PTGFRN: variants seen among roughly 807,000 people sequenced by gnomAD.
PTGFRN encodes the protein prostaglandin F2 receptor inhibitor, also known as prostaglandin F2 receptor negative regulator.
Under a neutral mutation model 83.2 loss-of-function variants are expected in PTGFRN, and 35 were observed. The ratio of observed to expected loss-of-function variants is 0.42; its 90% CI spans 0.32 to 0.56. The LOEUF (loss-of-function observed/expected upper bound fraction) is 0.56, where lower values mean the gene tolerates loss of function less well. Ranked by LOEUF, PTGFRN falls within the 20% of genes least tolerant of loss-of-function variation. PTGFRN has a pLI of 0.11. For synonymous variants in PTGFRN, 519 were observed against 498.6 expected, an observed-to-expected ratio of 1.04 and a Z score of -0.55; for missense variants, 1,051 against 1,179.5, an observed-to-expected ratio of 0.89 and a Z score of 1.60.
Position 116,910,126 on chromosome 1 carries a change from G to A in PTGFRN, c.-78G>A. On this transcript the variant is annotated 5_prime_UTR_variant, in exon 1 of 9. Transcript: ENST00000393203. ...GCGGAGGAGCGCCGACTCTGGAGCAGCCGGAGCTGGAAGAGGAGGAGGAGG... is the reference window on the plus strand; with the variant it reads ...GCGGAGGAGCGCCGACTCTGGAGCAACCGGAGCTGGAAGAGGAGGAGGAGG... 1.4e-6 allele frequency: 2 copies of A among 1,462,334 alleles called. No individual in the cohort carries two copies. Among genetic ancestry groups the A allele is most frequent in the Admixed American group, 4.0e-5 (2 of 50,224 alleles). 90.6% of individuals were successfully genotyped at this position (1,462,334 alleles called of 1,614,324 possible).
chr1:116,944,873 T>A lies in PTGFRN; in HGVS notation c.613T>A (p.Phe205Ile). The A allele has an allele frequency of 1.2e-6, 2 of 1,607,598 alleles. No individual in the cohort carries two copies. ...CCTCGCCCTGACCCACGAGGGCAGGTTCCACCCGGGCCTGGGGTACGAGCA... is the reference window on the plus strand; with the variant it reads ...CCTCGCCCTGACCCACGAGGGCAGGATCCACCCGGGCCTGGGGTACGAGCA... ...SVLALTHEGR[F>I]HPGLGYEQRY... is the part of the protein sequence containing the mutation. Residue 205 changes from phenylalanine to isoleucine, a missense_variant, in exon 3 of 9, where the codon TTC becomes ATC. Physicochemically the swap from Phe to Ile is conservative, Grantham distance 21. Transcript: ENST00000393203.
chr1:116,929,303 A>C (rs1029262077), intron 1 of PTGFRN, among the ~76,000 whole-genome samples: 1 of 152,206 alleles, frequency 6.6e-6, no homozygotes, highest in Non-Finnish European at 1.5e-5. Flanking sequence ...GGTGTTCATC[A>C]GCTTTTGCTT....
chr1:116,974,320 C>A lies in PTGFRN; in HGVS notation c.2164C>A (p.Pro722Thr), dbSNP rs1221141405. 1 of 1,596,142 alleles carries A rather than the reference C, an allele frequency of 6.3e-7. No homozygotes were observed. Among genetic ancestry groups the A allele is most frequent in the Non-Finnish European group, 8.6e-7 (1 of 1,163,938 alleles). Residue 722 changes from proline (P) to threonine (T), a missense_variant, in exon 7 of 9, where the codon CCA becomes ACA. Pro to Thr is a conservative substitution (Grantham distance 38, BLOSUM62 -1). This residue lies in a region of PTGFRN where 719 missense variants were observed against 836.6 expected (regional missense o/e 0.86). Transcript: ENST00000393203. The part of the protein sequence containing the change: ...IITVEGAALD[P>T]DDMAFDVSWF... The stretch of plus-strand genomic sequence containing the variant: ...CACTGTCGAGGGAGCAGCACTGGAT[C>A]CAGGTACCTCACTCCATCCTCACCC...
At chr1:116,982,232 TA>T (rs1302800622) in intron 7 of PTGFRN, among the ~76,000 whole-genome samples, 2 of 152,170 alleles carry the variant, frequency 1.3e-5, no homozygotes, top group African/African-American at 4.8e-5. Context: ...CTCAGTAAAT[TA>T]ATAGGTCACC....
chr1:116,931,218 G>A (rs1998921), intron 1 of PTGFRN, among the ~76,000 whole-genome samples: 151,004 of 152,324 alleles, frequency 0.99, 74,850 homozygotes, highest in East Asian at 1. Flanking sequence ...TTAACTGGTA[G>A]GAATGCAAAT....
chr1:116,913,903 T>A (rs1273290065), intron 1 of PTGFRN, among the ~76,000 whole-genome samples: 1 of 152,258 alleles, frequency 6.6e-6, no homozygotes, highest in Non-Finnish European at 1.5e-5. Context: ...ACACATTCTC[T>A]TTATGTCTTT....
chr1:116,943,608 G>A (rs1238962848), intron 2 of PTGFRN, among the ~76,000 whole-genome samples: 1 of 152,158 alleles, frequency 6.6e-6, no homozygotes, highest in Non-Finnish European at 1.5e-5. Flanking sequence ...CAGCTTCATG[G>A]CTCTTGAAAC....
At chr1:116,934,508 C>A (rs549383995) in intron 1 of PTGFRN, among the ~76,000 whole-genome samples, 1 of 151,864 alleles carries the variant, frequency 6.6e-6, no homozygotes, top group South Asian at 2.1e-4. Flanking sequence ...CTCTTAATTT[C>A]GGATATTGTA....
In PTGFRN at chr1:116,984,804, C is replaced by T. The variant is rs1651414864; in HGVS notation, c.2292C>T (p.Ser764=). Residue 764 remains serine, a synonymous_variant, in exon 8 of 9, where the codon AGC becomes AGT. Transcript: ENST00000393203. ...CCACCTCCCGGAGGGACTGGAAGAGCGACCTCAGCCTGGAGCGCGTGAGTG... is the reference window on the plus strand; with the variant it reads ...CCACCTCCCGGAGGGACTGGAAGAGTGACCTCAGCCTGGAGCGCGTGAGTG... ...IVTTSRRDWK[S]DLSLERVSVL... 13 of 1,613,950 alleles carry T rather than the reference C, an allele frequency of 8.1e-6. No homozygotes were observed. The highest frequency in any genetic ancestry group is 1.3e-5 in the African/African-American group (1 of 74,870).
In PTGFRN at chr1:116,961,975, T is replaced by A. The variant is rs779866278; in HGVS notation, c.1639+307T>A. ...TTAAACATGGTGACTCTGAGGACAC[T>A]CTTTCCCCTGGAGAAACCGTTACCT... On this transcript the variant is annotated intron_variant, in intron 5 of 8. Coordinates refer to ENST00000393203, the MANE Select transcript of PTGFRN (RefSeq NM_020440.4). This position sits in a 1 kb window ranked among gnomAD's most constrained non-coding sequence, Gnocchi z 5.4. Among the ~76,000 whole-genome samples, 1 of 152,184 alleles carries A rather than the reference T, an allele frequency of 6.6e-6. No individual in the cohort carries two copies. The highest frequency in any genetic ancestry group is 1.5e-5 in the Non-Finnish European group (1 of 68,030).
intron 1 of PTGFRN, among the ~76,000 whole-genome samples, chr1:116,935,661 A>G (rs1339644207): frequency 6.6e-6 from 1 of 152,216 alleles, no homozygotes. Context: ...TAAACACTGC[A>G]TGAAGGTGAT....
chr1:116,936,384 C>A lies in PTGFRN; in HGVS notation c.50-5331C>A, dbSNP rs372959179. 2.0e-5 allele frequency among the ~76,000 whole-genome samples: 3 copies of A among 152,304 alleles called. No individual in the cohort carries two copies. In the East Asian group the frequency reaches 5.8e-4, roughly 29 times the overall value. On this transcript the variant is annotated intron_variant, in intron 1 of 8. Transcript: ENST00000393203. ...TGCAAGACAGTGCTCAGGTTTATAT[C>A]TTTTCGGATTAGAATTTGATCTTTC... is the stretch of plus-strand genomic sequence containing the variant.
intron 1 of PTGFRN, among the ~76,000 whole-genome samples, chr1:116,936,661 A>G (rs985419809): frequency 1.3e-5 from 2 of 152,232 alleles, no homozygotes; most frequent in Admixed American, 1.3e-4. Flanking sequence ...AGAGTATGGC[A>G]TTTCCAGAAA....
At chr1:116,936,584 G>A (rs1321416365) in intron 1 of PTGFRN, among the ~76,000 whole-genome samples, 7 of 152,226 alleles carry the variant, frequency 4.6e-5, no homozygotes, top group Non-Finnish European at 8.8e-5. Flanking sequence ...TTACAAGAGG[G>A]TGAAGAGATG....
intron 1 of PTGFRN, among the ~76,000 whole-genome samples, chr1:116,927,621 C>T (rs1649689250): frequency 6.7e-6 from 1 of 149,566 alleles, no homozygotes; most frequent in African/African-American, 2.5e-5. Flanking sequence ...GCAACCTTTG[C>T]TTCCCAGGCT....
intron 7 of PTGFRN, 136 bp downstream of exon 7, chr1:116,974,459 T>C: frequency 3.2e-6 from 2 of 622,846 alleles, no homozygotes; most frequent in South Asian, 4.7e-5. Flanking sequence ...CCCAGTACTT[T>C]GTACTCATTA....
rs1650140575 is a variant in PTGFRN at position 116,944,662 on chromosome 1, G to A, written c.419-17G>A. 7.1e-7 allele frequency: 1 copy of A among 1,406,420 alleles called. No homozygotes were observed. The highest frequency in any genetic ancestry group is 3.0e-5 in the Admixed American group (1 of 32,914). 87.1% of individuals were successfully genotyped at this position (1,406,420 alleles called of 1,614,324 possible). A position where few individuals can be genotyped will look rare whatever the true frequency, so the allele number is the denominator to read the frequency against. ...TCGGTGTGGACGGGCTACTGACCTA[G>A]CTTTCTCTCTCCGCAGTGCTGGCCG... On this transcript the variant is annotated splice_polypyrimidine_tract_variant and intron_variant, in intron 2 of 8. Transcript: ENST00000393203.
At chr1:116,977,849 G>A (rs1651199413) in intron 7 of PTGFRN, among the ~76,000 whole-genome samples, 2 of 152,204 alleles carry the variant, frequency 1.3e-5, no homozygotes. Flanking sequence ...AAAGCTAGCA[G>A]AAGGCAAGAA....
At chr1:116,976,596 A>G (rs1651162721) in intron 7 of PTGFRN, among the ~76,000 whole-genome samples, 1 of 152,258 alleles carries the variant, frequency 6.6e-6, no homozygotes, top group Non-Finnish European at 1.5e-5. Flanking sequence ...AGCATTTTCA[A>G]CCCAGAATTT....
Sources: allele counts gnomAD v4.1 joint callset (sites outside exome capture counted in the v4.1 genomes callset), GRCh38; gene constraint gnomAD v4.1.1; regional missense constraint gnomAD v4.1.1; non-coding constraint Gnocchi (gnomAD v3.1); transcripts MANE v1.5; gene names NCBI Gene and HGNC (gene_info 2026-07-23, HGNC 2026-07-21).